Variants in SEMA6D observed in about 807,000 individuals in gnomAD.
SEMA6D encodes the protein semaphorin 6D.
A neutral mutation model predicts 106.6 loss-of-function variants in SEMA6D; 35 were observed. The ratio of observed to expected loss-of-function variants is 0.33; its 90% CI spans 0.25 to 0.44. The LOEUF (loss-of-function observed/expected upper bound fraction) is 0.44. Among genes scored for constraint, SEMA6D ranks in the 20% least tolerant of loss-of-function variants. The pLI, the probability that SEMA6D is intolerant of heterozygous loss-of-function variation, is 1.00. For missense variants in SEMA6D, 1,185 were observed against 1,345.9 expected, an observed-to-expected ratio of 0.88 and a Z score of 1.87; for synonymous variants, 499 against 487.7, an observed-to-expected ratio of 1.02 and a Z score of -0.31.
intron 3 of SEMA6D, among the ~76,000 whole-genome samples, chr15:47,511,336 T>G (rs1484498396): frequency 6.6e-6 from 1 of 152,200 alleles, no homozygotes; most frequent in East Asian, 1.9e-4. Flanking sequence ...GATTTATAGT[T>G]TGCAATTTTA....
At chr15:47,409,253 G>A (rs396945) in intron 1 of SEMA6D, among the ~76,000 whole-genome samples, 92,791 of 152,092 alleles carry the variant, frequency 0.61, 28,795 homozygotes, top group Middle Eastern at 0.71. Context: ...TCTCCTGGAG[G>A]AAATGTGGGA....
intron 1 of SEMA6D, among the ~76,000 whole-genome samples, chr15:47,341,539 G>A (rs2037812412): frequency 1.3e-5 from 2 of 152,162 alleles, no homozygotes; most frequent in African/African-American, 4.8e-5. Context: ...TGGACAGATT[G>A]TATTCTCCCA....
chr15:47,425,438 T>C (rs1273966663), intron 2 of SEMA6D, among the ~76,000 whole-genome samples: 1 of 152,080 alleles, frequency 6.6e-6, no homozygotes, highest in African/African-American at 2.4e-5. Flanking sequence ...CAAAGCACCA[T>C]ACTTTGGGGT....
intron 1 of SEMA6D, among the ~76,000 whole-genome samples, chr15:47,395,088 G>A (rs991981430): frequency 6.6e-6 from 1 of 151,810 alleles, no homozygotes; most frequent in Non-Finnish European, 1.5e-5. Context: ...AATACATAAA[G>A]GTATATCTGA....
At chr15:47,229,704 C>G (rs2032055279) in intron 1 of SEMA6D, among the ~76,000 whole-genome samples, 1 of 152,120 alleles carries the variant, frequency 6.6e-6, no homozygotes, top group Non-Finnish European at 1.5e-5. Flanking sequence ...GCTCCCGTTC[C>G]TTGACAATTA....
chr15:47,686,643 G>A (rs1283686453), intron 4 of SEMA6D, among the ~76,000 whole-genome samples: 4 of 152,150 alleles, frequency 2.6e-5, no homozygotes, highest in African/African-American at 7.2e-5. Context: ...CCACCCTCTC[G>A]GGCCCTCCAA....
chr15:47,725,363 T>G (rs1025411964), intron 1 of SEMA6D, among the ~76,000 whole-genome samples: 2 of 152,200 alleles, frequency 1.3e-5, no homozygotes, highest in Admixed American at 6.5e-5. Context: ...CTGAAAGGAA[T>G]GAGGTTGGAG....
intron 1 of SEMA6D, among the ~76,000 whole-genome samples, chr15:47,184,778 A>G (rs1339826110): frequency 6.6e-6 from 1 of 152,232 alleles, no homozygotes; most frequent in Non-Finnish European, 1.5e-5. Flanking sequence ...CCGGGATTTC[A>G]AAATGCCGCG....
At chr15:47,494,800 TAC>T (rs71432245) in intron 3 of SEMA6D, among the ~76,000 whole-genome samples, 25,449 of 95,784 alleles carry the variant, frequency 0.27, 3,650 homozygotes, top group Middle Eastern at 0.37. Context: ...AATCTCCAGA[TAC>T]ACACACACAC....
chr15:47,667,844 G>T (rs2078058582), intron 4 of SEMA6D, among the ~76,000 whole-genome samples: 1 of 152,180 alleles, frequency 6.6e-6, no homozygotes, highest in Admixed American at 6.5e-5. Context: ...CATTTAGGGT[G>T]AACCTGTGAG....
intron 4 of SEMA6D, among the ~76,000 whole-genome samples, chr15:47,704,105 C>G (rs1463779929): frequency 1.3e-5 from 2 of 152,110 alleles, no homozygotes; most frequent in African/African-American, 4.8e-5. Flanking sequence ...ATAAGCTCTT[C>G]TATGGCTTAT....
rs144198214 is a variant in SEMA6D, at chr15:47,490,686, A to G, written c.-87+20141A>G. ...ACAAATAGAAGCTACAAACTAGCGC[A>G]GCAATATTTGTAAACATACAGCTGA... On this transcript the variant is annotated intron_variant, in intron 3 of 19. Transcript: ENST00000558014. Among the ~76,000 whole-genome samples the G allele has an allele frequency of 6.2e-3, 949 of 152,292 alleles. 17 individuals carry two copies. Among genetic ancestry groups the G allele is most frequent in the African/African-American group, 0.022 (904 of 41,556 alleles).
At chr15:47,430,656 A>G (rs187458998) in intron 2 of SEMA6D, among the ~76,000 whole-genome samples, 1 of 152,084 alleles carries the variant, frequency 6.6e-6, no homozygotes, top group East Asian at 1.9e-4. Context: ...GAAAGAGCAT[A>G]TGTTTCCTTT....
chr15:47,764,925 C>T lies in SEMA6D; in HGVS notation c.1296C>T (p.Pro432=), dbSNP rs1181515646. 6.2e-7 allele frequency: 1 copy of T among 1,613,956 alleles called. No individual in the cohort carries two copies. Among genetic ancestry groups the T allele is most frequent in the Admixed American group, 1.7e-5 (1 of 60,012 alleles). Residue 432 remains proline (P), a synonymous_variant, in exon 13 of 19, where the codon CCC becomes CCT. Coordinates refer to ENST00000536845, the MANE Select transcript of SEMA6D (RefSeq NM_001358351.3). ...TCTCAGTGGACCATTCAGCCGGACC[C>T]TACCAGAACTACACAGTCATCTTTG... ...TAISVDHSAG[P]YQNYTVIFVG... is the part of the protein sequence containing the mutation.
chr15:47,644,643 G>A (rs1327527302), intron 4 of SEMA6D, among the ~76,000 whole-genome samples: 2 of 152,226 alleles, frequency 1.3e-5, no homozygotes, highest in African/African-American at 4.8e-5. Flanking sequence ...CCCTTTGAGA[G>A]TGTAGCAAGA....
intron 1 of SEMA6D, among the ~76,000 whole-genome samples, chr15:47,744,736 TCTC>T: frequency 6.6e-6 from 1 of 152,170 alleles, no homozygotes; most frequent in African/African-American, 2.4e-5. Flanking sequence ...GATCGCGCAC[TCTC>T]CTGTCTCAGG....
intron 3 of SEMA6D, among the ~76,000 whole-genome samples, chr15:47,539,527 C>T (rs1001489881): frequency 1.3e-5 from 2 of 151,934 alleles, no homozygotes; most frequent in Admixed American, 6.5e-5. Flanking sequence ...TGGGTTAAAG[C>T]GATTCTCCTG....
chr15:47,556,115 C>T (rs896476327), intron 3 of SEMA6D, among the ~76,000 whole-genome samples: 1 of 152,104 alleles, frequency 6.6e-6, no homozygotes, highest in Admixed American at 6.6e-5. Flanking sequence ...GGTTTTGGCA[C>T]ATACCTTTAC....
chr15:47,270,650 A>G (rs923305517), intron 1 of SEMA6D, among the ~76,000 whole-genome samples: 1 of 152,190 alleles, frequency 6.6e-6, no homozygotes, highest in Admixed American at 6.6e-5. Context: ...GCTTTATCAC[A>G]AACTATTTAG....
Sources: allele counts gnomAD v4.1 joint callset (sites outside exome capture counted in the v4.1 genomes callset), GRCh38; gene constraint gnomAD v4.1.1; transcripts MANE v1.5; gene names NCBI Gene and HGNC (gene_info 2026-07-23, HGNC 2026-07-21).